The following HKDC1 variants were observed in gnomAD, a reference collection of about 807,000 sequenced individuals.
The protein encoded by HKDC1 is hexokinase HKDC1.
HKDC1 carries 66 observed loss-of-function variants against 96.6 expected under a neutral mutation model. The ratio of observed to expected loss-of-function variants is 0.68; its 90% CI spans 0.56 to 0.84. The LOEUF is 0.84. Ranked by LOEUF, HKDC1 falls within the 40% of genes least tolerant of loss-of-function variation. The probability of loss-of-function intolerance (pLI) is 0.00; values close to 1 mark genes in which losing one functional copy is unlikely to be tolerated. For synonymous variants in HKDC1, 466 were observed against 473.1 expected (o/e 0.98, Z 0.20); for missense variants, 1,211 against 1,208.1 (o/e 1.00, Z -0.04).
intron 14 of HKDC1, 76 bp downstream of exon 14, chr10:69,257,502 G>T (rs1341882254): frequency 8.6e-7 from 1 of 1,157,516 alleles, no homozygotes; most frequent in East Asian, 2.3e-5. Flanking sequence ...TAGTGAGAGG[G>T]TGGGCATTGT....
At chr10:69,230,089 C>T (rs1022971651) in intron 2 of HKDC1, among the ~76,000 whole-genome samples, 19 of 152,186 alleles carry the variant, frequency 1.2e-4, no homozygotes, top group Non-Finnish European at 7.4e-5. Context: ...GACCTATCTG[C>T]GAGGGAGTCA....
intron 9 of HKDC1, among the ~76,000 whole-genome samples, 197 bp downstream of exon 9, chr10:69,247,790 A>C (rs1444373455): frequency 1.3e-5 from 2 of 152,180 alleles, no homozygotes; most frequent in African/African-American, 4.8e-5. Flanking sequence ...ATTACTCTTA[A>C]AGAAATATTC....
At position 69,254,464 on chromosome 10, in the gene HKDC1, T is replaced by C. The variant is rs1589414893; in HGVS notation, c.1837-2572T>C. ...TCACCACCATCCATCTCTTAAACTT[T>C]TTCTTTTCCATCTGAATTTCTGTAC... On this transcript the variant is annotated intron_variant, in intron 12 of 17. Coordinates refer to ENST00000354624, the MANE Select transcript of HKDC1 (RefSeq NM_025130.4). 2.6e-5 allele frequency among the ~76,000 whole-genome samples: 4 copies of C among 152,196 alleles called. No homozygotes were observed. In the East Asian group the frequency reaches 5.8e-4, roughly 22 times the overall value.
intron 12 of HKDC1, among the ~76,000 whole-genome samples, chr10:69,253,068 T>A (rs1843669207): frequency 6.6e-6 from 1 of 151,934 alleles, no homozygotes; most frequent in African/African-American, 2.4e-5. Context: ...GTGTAATGAA[T>A]AAAGATTTTT....
At chr10:69,258,600 C>G (rs1158122654) in intron 14 of HKDC1, among the ~76,000 whole-genome samples, 176 bp from the exon 15 acceptor site, 1 of 152,130 alleles carries the variant, frequency 6.6e-6, no homozygotes, top group Non-Finnish European at 1.5e-5. Flanking sequence ...AATGAAGAAA[C>G]TGAGCCTCTG....
intron 1 of HKDC1, among the ~76,000 whole-genome samples, chr10:69,221,887 G>C (rs935396136): frequency 6.6e-6 from 1 of 151,788 alleles, no homozygotes; most frequent in Non-Finnish European, 1.5e-5. Flanking sequence ...CTCCAGCCTG[G>C]GTGACAGAGT....
In HKDC1 at chr10:69,265,743, G is replaced by T; in HGVS notation, c.2531G>T (p.Arg844Met). 6.2e-7 allele frequency: 1 copy of T among 1,613,490 alleles called. No individual in the cohort carries two copies. The highest frequency in any genetic ancestry group is 8.5e-7 in the Non-Finnish European group (1 of 1,179,824). ...GAGLAAIVEK[R>M]REDQGLEHLR... ...GGCCTGGCCGCTATAGTGGAAAAAA[G>T]GAGAGAAGACCAGGGGCTAGAGCAC... is the stretch of plus-strand genomic sequence containing the variant. Residue 844 changes from arginine (R) to methionine (M), a missense_variant, in exon 17 of 18, where the codon AGG (arginine) becomes ATG (methionine). Physicochemically the swap from Arg to Met is moderately conservative, Grantham distance 91 (BLOSUM62 -1). Transcript: ENST00000354624.
chr10:69,254,290 G>A (rs536867711), intron 12 of HKDC1, among the ~76,000 whole-genome samples: 203 of 152,114 alleles, frequency 1.3e-3, no homozygotes, highest in African/African-American at 4.7e-3. Flanking sequence ...GGGCGACAGA[G>A]AAGACTCAGT....
intron 6 of HKDC1, 98 bp from the exon 7 acceptor site, chr10:69,243,084 G>C: frequency 8.1e-7 from 1 of 1,227,468 alleles, no homozygotes; most frequent in Non-Finnish European, 1.2e-6. Context: ...AAAGCACTTT[G>C]TGGTACATTG....
At chr10:69,232,398 G>T in intron 2 of HKDC1, 1 of 219,358 alleles carries the variant, frequency 4.6e-6, no homozygotes, top group South Asian at 7.8e-5. Context: ...CAGGCTGGGA[G>T]CACCAGCTCT....
chr10:69,265,187 T>C (rs1843874868), intron 16 of HKDC1, among the ~76,000 whole-genome samples: 1 of 152,058 alleles, frequency 6.6e-6, no homozygotes, highest in Non-Finnish European at 1.5e-5. Context: ...TGTGGGAAAG[T>C]GCGAGAGGTG....
chr10:69,238,368 C>CTTTTTTTTTTTTT (rs55819248), intron 4 of HKDC1, among the ~76,000 whole-genome samples: 2 of 61,382 alleles, frequency 3.3e-5, no homozygotes, highest in African/African-American at 1.7e-4. Context: ...CAGGTATTTT[C>CTTTTTTTTTTTTT]TTTTTTTTTT....
intron 7 of HKDC1, among the ~76,000 whole-genome samples, chr10:69,244,399 T>A (rs1051931251): frequency 2.6e-5 from 4 of 152,216 alleles, no homozygotes; most frequent in African/African-American, 9.7e-5. Context: ...CACATTCCAC[T>A]TTGGTGGCAC....
chr10:69,221,411 C>T (rs1165182443), intron 1 of HKDC1, among the ~76,000 whole-genome samples: 2 of 152,066 alleles, frequency 1.3e-5, no homozygotes, highest in African/African-American at 4.8e-5. Context: ...TCTTTCCAGG[C>T]AGCTAAAATG....
chr10:69,232,470 G>A, intron 2 of HKDC1: 2 of 373,422 alleles, frequency 5.4e-6, no homozygotes, highest in South Asian at 3.3e-5. Context: ...TCATACCACC[G>A]CAAGGGCTGT....
At chr10:69,248,806 G>A in intron 10 of HKDC1, 78 bp downstream of exon 10, 2 of 1,377,982 alleles carry the variant, frequency 1.5e-6, no homozygotes, top group Non-Finnish European at 1.9e-6. Context: ...TGAGGTTCTT[G>A]GTTTTTAGAA....
At chr10:69,242,825 A>T (rs988484477) in intron 6 of HKDC1, among the ~76,000 whole-genome samples, 1 of 152,264 alleles carries the variant, frequency 6.6e-6, no homozygotes, top group Non-Finnish European at 1.5e-5. Context: ...AGAATTTTCA[A>T]AATTACCCTG....
chr10:69,248,637 T>G lies in HKDC1; in HGVS notation c.1479T>G (p.Ala493=). Reference sequence around the variant, plus strand: ...TGGACGTGCAGGCCAAGATGCGGGCTGAGCTGGAGTATGGGCTGAAGAAGA... The same window carrying G: ...TGGACGTGCAGGCCAAGATGCGGGCGGAGCTGGAGTATGGGCTGAAGAAGA... ...QLVDVQAKMR[A]ELEYGLKKKS... is the part of the protein sequence containing the mutation. Residue 493 remains alanine (A), a synonymous_variant, in exon 10 of 18, where the codon GCT becomes GCG. Transcript: ENST00000354624. 6.2e-7 allele frequency: 1 copy of G among 1,614,170 alleles called. No homozygotes were observed. The highest frequency in any genetic ancestry group is 1.7e-5 in the Admixed American group (1 of 60,014).
intron 16 of HKDC1, chr10:69,262,111 C>A (rs935867689): frequency 2.3e-6 from 1 of 434,432 alleles, no homozygotes; most frequent in African/African-American, 2.0e-5. Context: ...CACTAGACAT[C>A]GTAAATGGTG....
Sources: allele counts gnomAD v4.1 joint callset (sites outside exome capture counted in the v4.1 genomes callset), GRCh38; gene constraint gnomAD v4.1.1; transcripts MANE v1.5; gene names NCBI Gene and HGNC (gene_info 2026-07-23, HGNC 2026-07-21).